Variants in GBE1 observed in about 807,000 individuals in gnomAD.
GBE1 encodes the protein 1,4-alpha-glucan-branching enzyme.
In GBE1, 70 loss-of-function variants were observed where a neutral mutation model predicts 88.8. The ratio of observed to expected loss-of-function variants is 0.79; its 90% CI spans 0.65 to 0.96. The LOEUF (loss-of-function observed/expected upper bound fraction) is 0.96. GBE1 is among the 40% of genes least tolerant of loss of function. The pLI is 0.00. For missense variants in GBE1, 872 were observed against 871.0 expected, an observed-to-expected ratio of 1.00 and a Z score of -0.01; for synonymous variants, 284 against 300.1, an observed-to-expected ratio of 0.95 and a Z score of 0.56.
At chr3:81,541,555 A>G (rs1161444871) in intron 12 of GBE1, among the ~76,000 whole-genome samples, 8 of 149,728 alleles carry the variant, frequency 5.3e-5, no homozygotes, top group Non-Finnish European at 1.0e-4. Context: ...AGGAGGGTTG[A>G]GCCCTCATGA....
intron 14 of GBE1, among the ~76,000 whole-genome samples, chr3:81,504,983 C>T (rs750551891): frequency 3.2e-4 from 48 of 152,214 alleles, no homozygotes; most frequent in Non-Finnish European, 5.4e-4. Context: ...AGTGACTAGA[C>T]GACTATAACG....
At position 81,582,955 on chromosome 3, in the gene GBE1, G is replaced by A. The variant is rs1354446170; in HGVS notation, c.1336-1680C>T. On this transcript the variant is annotated intron_variant, in intron 10 of 15. Transcript: ENST00000429644. ...GATGAAAGAACAAGCATCAGACTAG[G>A]AGAAAAAAATTGTCAACCATGTATC... Among the ~76,000 whole-genome samples, 5 of 151,826 alleles carry A rather than the reference G, an allele frequency of 3.3e-5. No homozygotes were observed. The East Asian group carries it at 9.6e-4, about 29-fold the overall frequency.
At chr3:81,600,212 G>A (rs555449692) in intron 7 of GBE1, among the ~76,000 whole-genome samples, 229 of 152,136 alleles carry the variant, frequency 1.5e-3, no homozygotes, top group African/African-American at 5.3e-3. Context: ...AGTGAGCCGC[G>A]ATTGTGCCAA....
chr3:81,709,997 A>G (rs1705835762), intron 1 of GBE1, among the ~76,000 whole-genome samples: 1 of 152,220 alleles, frequency 6.6e-6, no homozygotes, highest in Non-Finnish European at 1.5e-5. Flanking sequence ...AAGAACTGTT[A>G]TAAAAATTAT....
chr3:81,527,195 C>T (rs1702954520), intron 14 of GBE1, among the ~76,000 whole-genome samples: 1 of 152,126 alleles, frequency 6.6e-6, no homozygotes, highest in Admixed American at 6.6e-5. Flanking sequence ...AGATCCCTTC[C>T]TTACGCCTTA....
At chr3:81,680,609 G>C (rs974010933) in intron 2 of GBE1, among the ~76,000 whole-genome samples, 2 of 151,718 alleles carry the variant, frequency 1.3e-5, no homozygotes, top group Non-Finnish European at 1.5e-5. Flanking sequence ...TATCTTTGCT[G>C]TGACTTGCAT....
chr3:81,702,256 G>T (rs1022156423), intron 2 of GBE1, among the ~76,000 whole-genome samples: 2 of 151,478 alleles, frequency 1.3e-5, no homozygotes, highest in African/African-American at 4.8e-5. Flanking sequence ...ACTGACCCAC[G>T]TGTATATCTT....
At chr3:81,745,512 T>A (rs73853484) in intron 1 of GBE1, among the ~76,000 whole-genome samples, 2 of 151,962 alleles carry the variant, frequency 1.3e-5, no homozygotes, top group Non-Finnish European at 1.5e-5. Context: ...CATAAAATGA[T>A]GTATATGTAA....
chr3:81,751,139 G>T (rs963092259), intron 1 of GBE1, among the ~76,000 whole-genome samples: 7 of 152,220 alleles, frequency 4.6e-5, no homozygotes, highest in African/African-American at 1.7e-4. Context: ...GAAAAACAAA[G>T]ATCAGGTCTA....
Position 81,750,645 on chromosome 3 carries a change from G to GTA in GBE1, c.143+10728_143+10729dup, listed in dbSNP as rs557781058. ...TATATATATACGTATATATATATAT[G>GTA]TATATATATATATGTATATATATAT... On this transcript the variant is annotated intron_variant, in intron 1 of 15. Coordinates refer to ENST00000429644, the MANE Select transcript of GBE1 (RefSeq NM_000158.4). 4.4e-4 allele frequency among the ~76,000 whole-genome samples: 21 copies of GTA among 47,712 alleles called. 1 individual carries two copies. Among genetic ancestry groups the GTA allele is most frequent in the African/African-American group, 3.4e-3 (18 of 5,246 alleles). The allele number at this position is 47,712 out of a possible 152,430, so 31.3% of individuals were successfully genotyped here. A position where few individuals can be genotyped will look rare whatever the true frequency, so the allele number is the denominator to read the frequency against.
chr3:81,601,220 C>A lies in GBE1; in HGVS notation c.993-7197G>T, dbSNP rs542368215. Among the ~76,000 whole-genome samples, 3 of 152,162 alleles carry A rather than the reference C, an allele frequency of 2.0e-5. No homozygotes were observed. The East Asian group carries it at 5.8e-4, about 29-fold the overall frequency. On this transcript the variant is annotated intron_variant, in intron 7 of 15. Coordinates refer to ENST00000429644, the MANE Select transcript of GBE1 (RefSeq NM_000158.4). Reference sequence around the variant, plus strand: ...CTTCCAGACTCCACCTGTTACACAGCCTCATTTAATAAGGCTGTGAAATGA... The same window carrying A: ...CTTCCAGACTCCACCTGTTACACAGACTCATTTAATAAGGCTGTGAAATGA...
chr3:81,543,223 T>C (rs1360163921), intron 12 of GBE1, among the ~76,000 whole-genome samples: 2 of 152,070 alleles, frequency 1.3e-5, no homozygotes, highest in East Asian at 3.9e-4. Context: ...TCTGAAAATG[T>C]TCCTTCAGAG....
intron 8 of GBE1, among the ~76,000 whole-genome samples, chr3:81,593,395 A>AATAATAATAATG (rs1233610598): frequency 6.7e-6 from 1 of 149,146 alleles, no homozygotes; most frequent in Non-Finnish European, 1.5e-5. Context: ...TAATAATAAT[A>AATAATAATAATG]ATAATTGTTC....
intron 7 of GBE1, among the ~76,000 whole-genome samples, chr3:81,636,020 G>C (rs1704587541): frequency 6.6e-6 from 1 of 152,106 alleles, no homozygotes; most frequent in African/African-American, 2.4e-5. Context: ...CAGGAACAAA[G>C]TTTATACAAA....
chr3:81,660,691 A>T (rs1194248506), intron 3 of GBE1, among the ~76,000 whole-genome samples: 2 of 145,490 alleles, frequency 1.4e-5, no homozygotes, highest in African/African-American at 5.0e-5. Context: ...GGATGGATAA[A>T]GATGAACATA....
At chr3:81,544,958 T>C (rs758978129) in intron 12 of GBE1, among the ~76,000 whole-genome samples, 7 of 152,208 alleles carry the variant, frequency 4.6e-5, no homozygotes, top group Non-Finnish European at 1.0e-4. Context: ...TTAAAGTATA[T>C]CAAAACCTCC....
intron 15 of GBE1, among the ~76,000 whole-genome samples, chr3:81,494,666 T>G (rs1446212456): frequency 6.6e-6 from 1 of 152,182 alleles, no homozygotes; most frequent in African/African-American, 2.4e-5. Flanking sequence ...GCCATGAGTT[T>G]CATTTTTTTC....
At chr3:81,695,024 C>T (rs1027686602) in intron 2 of GBE1, among the ~76,000 whole-genome samples, 20 of 152,200 alleles carry the variant, frequency 1.3e-4, no homozygotes, top group Admixed American at 9.8e-4. Flanking sequence ...CTGAAATGTT[C>T]ACTGCCCACT....
intron 1 of GBE1, among the ~76,000 whole-genome samples, chr3:81,745,809 T>G (rs1706413108): frequency 6.6e-6 from 1 of 152,146 alleles, no homozygotes; most frequent in Non-Finnish European, 1.5e-5. Context: ...TTTAGCTATA[T>G]TATTCATAAA....
Sources: allele counts gnomAD v4.1 joint callset (sites outside exome capture counted in the v4.1 genomes callset), GRCh38; gene constraint gnomAD v4.1.1; transcripts MANE v1.5; gene names NCBI Gene and HGNC (gene_info 2026-07-23, HGNC 2026-07-21).